DCAF17: variants seen among roughly 807,000 people sequenced by gnomAD.
The protein encoded by DCAF17 is DDB1 and CUL4 associated factor 17.
A neutral mutation model predicts 66.0 loss-of-function variants in DCAF17; 48 were observed. The ratio of observed to expected loss-of-function variants is 0.73; its 90% CI spans 0.58 to 0.92. DCAF17 has a LOEUF of 0.92. DCAF17 is among the 40% of genes least tolerant of loss of function. DCAF17 has a pLI of 0.00. For synonymous variants in DCAF17, 206 were observed against 214.6 expected, an observed-to-expected ratio of 0.96 and a Z score of 0.35; for missense variants, 562 against 622.8, an observed-to-expected ratio of 0.90 and a Z score of 1.04.
In DCAF17 at chr2:171,482,920, G is replaced by C. The variant is rs1351716108; in HGVS notation, c.*1806G>C. ...AGGGTCCAAATGCCATCCAGGCCAG[G>C]CAGGAAATATACCTCATGTGAAAGA... On this transcript the variant is annotated 3_prime_UTR_variant, in exon 14 of 14. Transcript: ENST00000375255. 1 of 453,930 alleles carries C rather than the reference G, an allele frequency of 2.2e-6. No homozygotes were observed. Among genetic ancestry groups the C allele is most frequent in the Non-Finnish European group, 4.4e-6 (1 of 226,790 alleles). 28.1% of individuals were successfully genotyped at this position (453,930 alleles called of 1,614,324 possible).
Position 171,434,711 on chromosome 2 carries a change from C to A in DCAF17, c.126+8C>A. ...CGGGCGCTGGTGTGCCAGGTGACCG[C>A]CAGCCGGCCGGGGCGGGACGGAGGG... is the stretch of plus-strand genomic sequence containing the variant. On this transcript the variant is annotated splice_region_variant and intron_variant, in intron 1 of 13. Coordinates refer to ENST00000375255, the MANE Select transcript of DCAF17 (RefSeq NM_025000.4). The A allele has an allele frequency of 6.9e-7, 1 of 1,459,716 alleles. No individual in the cohort carries two copies. Among genetic ancestry groups the A allele is most frequent in the South Asian group, 1.4e-5 (1 of 73,142 alleles). The allele number at this position is 1,459,716 out of a possible 1,614,324, so 90.4% of individuals were successfully genotyped here. A position where few individuals can be genotyped will look rare whatever the true frequency, so the allele number is the denominator to read the frequency against.
intron 8 of DCAF17, among the ~76,000 whole-genome samples, chr2:171,460,538 TTATTA>T (rs1695522167): frequency 2.0e-5 from 3 of 147,428 alleles, no homozygotes; most frequent in Admixed American, 1.4e-4. Flanking sequence ...ATTATTATTA[TTATTA>T]ATTTTGAGAC....
chr2:171,442,203 A>G (rs1694343212), intron 2 of DCAF17, among the ~76,000 whole-genome samples: 1 of 152,234 alleles, frequency 6.6e-6, no homozygotes, highest in African/African-American at 2.4e-5. Context: ...GAGGTACAAT[A>G]AAATTATCAC....
chr2:171,457,465 A>G (rs1262573890), intron 6 of DCAF17, among the ~76,000 whole-genome samples: 1 of 152,242 alleles, frequency 6.6e-6, no homozygotes, highest in Non-Finnish European at 1.5e-5. Context: ...GGTTTTAAAT[A>G]TTGTTACTTG....
chr2:171,461,744 C>A (rs1695598297), intron 8 of DCAF17, among the ~76,000 whole-genome samples: 1 of 152,162 alleles, frequency 6.6e-6, no homozygotes, highest in East Asian at 1.9e-4. Flanking sequence ...CATGAAATCA[C>A]CACTACAGTC....
At chr2:171,456,158 AGTCTTTAAT>A (rs1695249587) in intron 6 of DCAF17, among the ~76,000 whole-genome samples, 1 of 152,188 alleles carries the variant, frequency 6.6e-6, no homozygotes, top group Non-Finnish European at 1.5e-5. Flanking sequence ...TTTAGATTTA[AGTCTTTAAT>A]CCATCTTGAG....
chr2:171,457,524 G>A (rs537420856), intron 6 of DCAF17, among the ~76,000 whole-genome samples: 1 of 152,248 alleles, frequency 6.6e-6, no homozygotes, highest in South Asian at 2.1e-4. Context: ...CTATCCAGGG[G>A]CTGGGCACCT....
intron 10 of DCAF17, among the ~76,000 whole-genome samples, chr2:171,476,603 C>T (rs1696506919): frequency 6.6e-6 from 1 of 152,170 alleles, no homozygotes; most frequent in Non-Finnish European, 1.5e-5. Flanking sequence ...TAGCTTAGGC[C>T]TGACCAAGCT....
chr2:171,454,167 C>G (rs1695110578), intron 6 of DCAF17, among the ~76,000 whole-genome samples: 1 of 151,486 alleles, frequency 6.6e-6, no homozygotes, highest in African/African-American at 2.4e-5. Flanking sequence ...TAGACTCTGT[C>G]TCTAAAAAAT....
At chr2:171,443,289 A>C (rs1694419275) in intron 2 of DCAF17, 2 of 393,814 alleles carry the variant, frequency 5.1e-6, no homozygotes, top group South Asian at 3.2e-5. Context: ...AAATGAACCA[A>C]AATGTTAATA....
In DCAF17 at chr2:171,483,852, G is replaced by C. The variant is rs1239843055; in HGVS notation, c.*2738G>C. On this transcript the variant is annotated 3_prime_UTR_variant, in exon 14 of 14. Transcript: ENST00000375255. ...GGGTCCCACAACTAGTCAGTGCAGA[G>C]GTGGGAAACATAACCAGATTTGTTC... 2 of 453,920 alleles carry C rather than the reference G, an allele frequency of 4.4e-6. No homozygotes were observed. Among genetic ancestry groups the C allele is most frequent in the African/African-American group, 4.0e-5 (2 of 49,960 alleles). The allele number at this position is 453,920 out of a possible 1,614,324, so 28.1% of individuals were successfully genotyped here. A position where few individuals can be genotyped will look rare whatever the true frequency, so the allele number is the denominator to read the frequency against.
At chr2:171,474,010 C>A in intron 10 of DCAF17, 35 bp downstream of exon 10, 4 of 1,552,934 alleles carry the variant, frequency 2.6e-6, no homozygotes, top group Non-Finnish European at 3.6e-6. Context: ...AAGTTAAGAG[C>A]AGCTTTTGGT....
chr2:171,472,571 C>A (rs1043179311), intron 9 of DCAF17, among the ~76,000 whole-genome samples: 2 of 152,120 alleles, frequency 1.3e-5, no homozygotes, highest in African/African-American at 4.8e-5. Context: ...TTTTTTAACT[C>A]CCAAAATTCT....
chr2:171,435,015 T>G, intron 1 of DCAF17, 68 bp from the exon 2 acceptor site: 1 of 1,307,182 alleles, frequency 7.7e-7, no homozygotes, highest in African/African-American at 1.5e-5. Flanking sequence ...TATGTTGCTT[T>G]GAAAATTTAA....
In DCAF17 at chr2:171,482,416, C is replaced by T. The variant is rs931411660; in HGVS notation, c.*1302C>T. The T allele has an allele frequency of 2.0e-5, 9 of 453,626 alleles. No individual in the cohort carries two copies. Among genetic ancestry groups the T allele is most frequent in the African/African-American group, 1.8e-4 (9 of 49,874 alleles). 28.1% of individuals were successfully genotyped at this position (453,626 alleles called of 1,614,324 possible). A position where few individuals can be genotyped will look rare whatever the true frequency, so the allele number is the denominator to read the frequency against. On this transcript the variant is annotated 3_prime_UTR_variant, in exon 14 of 14. Coordinates refer to ENST00000375255, the MANE Select transcript of DCAF17 (RefSeq NM_025000.4). ...ATGTTAAGAATGATGTGAATTCTTC[C>T]CAGTTCTGCCCTGGTGCTAGACATT...
intron 6 of DCAF17, among the ~76,000 whole-genome samples, chr2:171,453,710 A>G (rs1695085422): frequency 6.6e-6 from 1 of 152,092 alleles, no homozygotes; most frequent in Non-Finnish European, 1.5e-5. Context: ...GTTACATGGG[A>G]GGAAAGAAGG....
At chr2:171,440,924 G>GTC (rs1559255780) in intron 2 of DCAF17, among the ~76,000 whole-genome samples, 3 of 152,058 alleles carry the variant, frequency 2.0e-5, no homozygotes, top group African/African-American at 7.2e-5. Context: ...GAGGACAGAC[G>GTC]GGTGGCACTT....
chr2:171,443,453 T>C, intron 2 of DCAF17, 70 bp from the exon 3 acceptor site: 1 of 1,307,180 alleles, frequency 7.7e-7, no homozygotes, highest in Non-Finnish European at 1.1e-6. Flanking sequence ...ATAAAAATAG[T>C]CTCTCAAACC....
At chr2:171,476,335 A>G (rs77634005) in intron 10 of DCAF17, among the ~76,000 whole-genome samples, 30,722 of 152,148 alleles carry the variant, frequency 0.2, 3,247 homozygotes, top group South Asian at 0.28. Context: ...CTAAGAAAAA[A>G]GAATAGTATT....
Sources: gnomAD v4.1 joint callset for allele counts (sites outside exome capture counted in the v4.1 genomes callset) on GRCh38, gnomAD v4.1.1 for gene constraint, MANE v1.5 for transcripts, NCBI Gene and HGNC (gene_info 2026-07-23, HGNC 2026-07-21) for gene names.